Variants in FGGY observed in about 807,000 individuals in gnomAD.
FGGY encodes the protein FGGY carbohydrate kinase domain containing, also known as FGGY carbohydrate kinase domain-containing protein.
FGGY carries 72 observed loss-of-function variants against 71.3 expected under a neutral mutation model. That is an observed-to-expected ratio of 1.01 (90% CI 0.84 to 1.23). FGGY has a LOEUF of 1.23. Ranked by LOEUF, FGGY falls within the 50% of genes most tolerant of loss-of-function variation. FGGY has a pLI of 0.00. For missense variants in FGGY, 668 were observed against 682.3 expected (o/e 0.98, Z 0.23); for synonymous variants, 251 against 250.3 (o/e 1.00, Z -0.02).
intron 5 of FGGY, among the ~76,000 whole-genome samples, chr1:59,424,045 A>G (rs1269442923): frequency 2.0e-5 from 3 of 152,258 alleles, no homozygotes; most frequent in Non-Finnish European, 2.9e-5. Flanking sequence ...TCAGTGTGTA[A>G]TAACTGAAGG....
chr1:59,632,859 C>T (rs766293630), intron 10 of FGGY, among the ~76,000 whole-genome samples: 1 of 152,160 alleles, frequency 6.6e-6, no homozygotes, highest in Non-Finnish European at 1.5e-5. Context: ...TTTACTTAGC[C>T]TTCCCTGAGC....
chr1:59,387,549 G>A (rs2060216250), intron 5 of FGGY, among the ~76,000 whole-genome samples: 1 of 151,820 alleles, frequency 6.6e-6, no homozygotes, highest in Non-Finnish European at 1.5e-5. Context: ...TTTGTATTGG[G>A]AGTTCAGTGT....
chr1:59,716,797 A>C (rs1331022074), intron 14 of FGGY, among the ~76,000 whole-genome samples: 1 of 152,216 alleles, frequency 6.6e-6, no homozygotes, highest in Non-Finnish European at 1.5e-5. Flanking sequence ...GAATTTAAAA[A>C]GGAGAGGCTC....
intron 7 of FGGY, among the ~76,000 whole-genome samples, chr1:59,553,309 A>G (rs997488843): frequency 6.6e-6 from 1 of 152,148 alleles, no homozygotes; most frequent in African/African-American, 2.4e-5. Context: ...CACCTAGTAT[A>G]TATCGTTTTG....
chr1:59,519,798 T>A (rs1050420177), intron 7 of FGGY, among the ~76,000 whole-genome samples: 1 of 152,202 alleles, frequency 6.6e-6, no homozygotes, highest in African/African-American at 2.4e-5. Context: ...CATGAGGGAA[T>A]TGAAGGCAGA....
chr1:59,696,702 A>C (rs978974459), intron 14 of FGGY, among the ~76,000 whole-genome samples: 2 of 152,222 alleles, frequency 1.3e-5, no homozygotes, highest in African/African-American at 4.8e-5. Context: ...AAAGTGCAGC[A>C]AGTGCAGGTA....
At chr1:59,594,042 C>A (rs2096489680) in intron 8 of FGGY, among the ~76,000 whole-genome samples, 1 of 152,196 alleles carries the variant, frequency 6.6e-6, no homozygotes. Context: ...CAACAATTAA[C>A]ACAAATCCCT....
intron 4 of FGGY, among the ~76,000 whole-genome samples, chr1:59,356,945 C>T (rs942968503): frequency 1.3e-5 from 2 of 152,110 alleles, no homozygotes; most frequent in African/African-American, 4.8e-5. Context: ...CCTTCACCCC[C>T]CAGGAGAATC....
At chr1:59,675,759 G>A (rs11207501) in intron 14 of FGGY, among the ~76,000 whole-genome samples, 4,806 of 152,196 alleles carry the variant, frequency 0.032, 255 homozygotes, top group African/African-American at 0.11. Context: ...GTTAAAACAG[G>A]GGGGATGCTT....
At chr1:59,494,068 A>G (rs2093960679) in intron 6 of FGGY, among the ~76,000 whole-genome samples, 2 of 152,202 alleles carry the variant, frequency 1.3e-5, no homozygotes, top group South Asian at 4.1e-4. Flanking sequence ...GCTGTGATAC[A>G]TAGATCAGTT....
Position 59,306,468 on chromosome 1 carries a change from C to T in FGGY, c.-15+9318C>T, listed in dbSNP as rs200842454. ...CAGTAAGACTGTTACATCCTTAGAC[C>T]CAAAGGGGTGAGGGAAGGACTGGTT... On this transcript the variant is annotated intron_variant, in intron 1 of 15. Transcript: ENST00000303721. Among the ~76,000 whole-genome samples the T allele has an allele frequency of 2.4e-4, 36 of 152,224 alleles. No homozygotes were observed. In the East Asian group the frequency reaches 5.8e-3, roughly 25 times the overall value.
At chr1:59,391,971 G>C (rs2060749684) in intron 5 of FGGY, among the ~76,000 whole-genome samples, 1 of 152,126 alleles carries the variant, frequency 6.6e-6, no homozygotes, top group Non-Finnish European at 1.5e-5. Flanking sequence ...TAGATCTCGT[G>C]TTTCAGGGAA....
chr1:59,308,646 G>T (rs1239087402), intron 1 of FGGY, among the ~76,000 whole-genome samples: 1 of 152,128 alleles, frequency 6.6e-6, no homozygotes, highest in Admixed American at 6.5e-5. Context: ...TGAGTCACTG[G>T]AGCTGGAAGG....
At chr1:59,665,755 G>T (rs1250849581) in intron 12 of FGGY, among the ~76,000 whole-genome samples, 1 of 149,728 alleles carries the variant, frequency 6.7e-6, no homozygotes, top group Non-Finnish European at 1.5e-5. Flanking sequence ...CTCACTGCAA[G>T]CTCCACCTCC....
chr1:59,626,134 G>C, intron 10 of FGGY, 85 bp downstream of exon 10: 4 of 1,088,984 alleles, frequency 3.7e-6, no homozygotes, highest in Non-Finnish European at 5.6e-6. Context: ...GTGATTTTCA[G>C]ATCCTACAGA....
intron 6 of FGGY, among the ~76,000 whole-genome samples, chr1:59,473,268 C>T (rs937293114): frequency 1.3e-5 from 2 of 151,614 alleles, no homozygotes; most frequent in Admixed American, 6.6e-5. Flanking sequence ...CAACTCCAGA[C>T]GCGCCGGCTT....
chr1:59,466,136 A>G (rs551353189), intron 6 of FGGY, among the ~76,000 whole-genome samples: 3 of 152,200 alleles, frequency 2.0e-5, no homozygotes, highest in Non-Finnish European at 4.4e-5. Context: ...AAAAGAGCAT[A>G]GTACTGCTAC....
rs4486472 is a variant in FGGY at position 59,587,623 on chromosome 1, T to A, written c.904-20180T>A. Among the ~76,000 whole-genome samples the A allele has an allele frequency of 5.4e-3, 828 of 152,270 alleles. 10 individuals are homozygous for A. Among genetic ancestry groups the A allele is most frequent in the African/African-American group, 0.018 (765 of 41,570 alleles). ...ACTTCCAGAGGAACGATCAGACAGC[T>A]GCATTCGCGGTTCACGATAATCCCC... On this transcript the variant is annotated intron_variant, in intron 8 of 15. Coordinates refer to ENST00000303721, the MANE Select transcript of FGGY (RefSeq NM_018291.5).
At chr1:59,390,980 A>G (rs1253692996) in intron 5 of FGGY, among the ~76,000 whole-genome samples, 1 of 152,218 alleles carries the variant, frequency 6.6e-6, no homozygotes, top group African/African-American at 2.4e-5. Flanking sequence ...ATAGGTACAC[A>G]TGTATTTGAC....
Sources: gnomAD v4.1 joint callset for allele counts (sites outside exome capture counted in the v4.1 genomes callset) on GRCh38, gnomAD v4.1.1 for gene constraint, MANE v1.5 for transcripts, NCBI Gene and HGNC (gene_info 2026-07-23, HGNC 2026-07-21) for gene names.